Variants in ASPRV1 observed in about 807,000 individuals in gnomAD.
ASPRV1 encodes aspartic peptidase retroviral like 1, also known as retroviral-like aspartic protease 1.
Under a neutral mutation model 11.0 loss-of-function variants are expected in ASPRV1, and 7 were observed. The ratio of observed to expected loss-of-function variants is 0.64; its 90% confidence interval spans 0.36 to 1.20. The LOEUF (loss-of-function observed/expected upper bound fraction) is 1.20, where lower values mean the gene tolerates loss of function less well. Ranked by LOEUF, ASPRV1 falls within the 50% of genes most tolerant of loss-of-function variation. The pLI is 0.02. For missense variants in ASPRV1, 299 were observed against 320.0 expected, an observed-to-expected ratio of 0.93 and a Z score of 0.50; for synonymous variants, 136 against 138.4, an observed-to-expected ratio of 0.98 and a Z score of 0.12.
chr2:69,987,046 C>T, the ASPRV1 span, among the ~76,000 whole-genome samples: 1 of 152,038 alleles, frequency 6.6e-6, no homozygotes, highest in Admixed American at 6.6e-5. Context: ...AGATGAGCCA[C>T]CTTGGGTTAG....
the ASPRV1 span, among the ~76,000 whole-genome samples, chr2:70,041,680 C>T: frequency 6.6e-6 from 1 of 152,192 alleles, no homozygotes; most frequent in Non-Finnish European, 1.5e-5. Context: ...AGGAAGGGTG[C>T]TCAGGAGCAC....
chr2:70,016,140 T>G, the ASPRV1 span: 1 of 152,206 alleles, frequency 6.6e-6, no homozygotes, highest in African/African-American at 2.4e-5. Context: ...TGGAACATTC[T>G]TGAGGACAAC....
chr2:70,016,566 T>A, the ASPRV1 span, among the ~76,000 whole-genome samples: 2 of 151,942 alleles, frequency 1.3e-5, no homozygotes, highest in Middle Eastern at 3.2e-3. Context: ...ATTAAAAAGA[T>A]CATCCAGGCC....
chr2:69,947,515 G>A, the ASPRV1 span, among the ~76,000 whole-genome samples: 1,020 of 152,192 alleles, frequency 6.7e-3, 10 homozygotes, highest in African/African-American at 0.024. Flanking sequence ...TTGTGACCCA[G>A]TTTCCCCTTA....
At chr2:69,937,929 T>A in the ASPRV1 span, among the ~76,000 whole-genome samples, 2 of 152,164 alleles carry the variant, frequency 1.3e-5, no homozygotes, top group Admixed American at 6.5e-5. Context: ...TTTGTATTAG[T>A]AGAAACAGGG....
At chr2:70,075,700 G>T in the ASPRV1 span, among the ~76,000 whole-genome samples, 10 of 152,148 alleles carry the variant, frequency 6.6e-5, no homozygotes, top group African/African-American at 2.4e-4. Flanking sequence ...TACAAAATTA[G>T]CCGGGCTTGG....
chr2:69,943,500 C>T, the ASPRV1 span, among the ~76,000 whole-genome samples: 4 of 152,166 alleles, frequency 2.6e-5, no homozygotes, highest in African/African-American at 2.4e-5. Flanking sequence ...AGTCCAGCTT[C>T]GTGGGGCTGC....
chr2:69,965,834 C>T (rs1038348891), upstream of ASPRV1, among the ~76,000 whole-genome samples: 2 of 152,206 alleles, frequency 1.3e-5, no homozygotes, highest in East Asian at 3.8e-4. Flanking sequence ...TCAACATGAG[C>T]GTTCCTGCCA....
At chr2:69,938,485 A>G in the ASPRV1 span, 2 of 570,804 alleles carry the variant, frequency 3.5e-6, no homozygotes, top group Non-Finnish European at 6.2e-6. Flanking sequence ...TTTTCTCGCC[A>G]TAAAAATTTG....
the ASPRV1 span, chr2:69,938,143 T>C: frequency 1.9e-6 from 3 of 1,614,170 alleles, no homozygotes; most frequent in Admixed American, 5.0e-5. Context: ...TCACAGGTGA[T>C]CTGGACTGGA....
the ASPRV1 span, among the ~76,000 whole-genome samples, chr2:69,981,626 G>A: frequency 1.8e-4 from 28 of 152,098 alleles, no homozygotes; most frequent in Non-Finnish European, 2.4e-4. Flanking sequence ...GCGCGATCTC[G>A]GCTCACTGCA....
the ASPRV1 span, chr2:70,029,892 T>C: frequency 2.0e-5 from 3 of 152,118 alleles, no homozygotes; most frequent in Admixed American, 1.3e-4. Flanking sequence ...AGCTGTCTTA[T>C]CCAGTCACAT....
the ASPRV1 span, chr2:69,937,268 CA>C: frequency 6.2e-7 from 1 of 1,614,044 alleles, no homozygotes; most frequent in African/African-American, 1.3e-5. Context: ...AGCCGTTCAC[CA>C]AATCGACCAG....
chr2:70,012,504 A>G, the ASPRV1 span, among the ~76,000 whole-genome samples: 3 of 152,052 alleles, frequency 2.0e-5, no homozygotes, highest in Admixed American at 6.6e-5. Flanking sequence ...TGCAGCATTC[A>G]CTTTGCGGAC....
rs142383767 is a variant in ASPRV1, at chr2:69,961,424, C to T, written c.13G>A (p.Gly5Arg). The T allele has an allele frequency of 5.2e-4, 836 of 1,614,062 alleles. No homozygotes were observed. Among genetic ancestry groups the T allele is most frequent in the Non-Finnish European group, 6.5e-4 (769 of 1,180,020 alleles). The change falls in exon 1 of 1, where the codon GGA (glycine) becomes AGA (arginine). Residue 5 changes from glycine to arginine, a missense_variant. By Grantham distance (125) the Gly-to-Arg change is moderately radical (BLOSUM62 -2). Transcript: ENST00000320256. The part of the protein sequence containing the change: MAGS[G>R]ARSEEGRRQH... ...CGGCGGCCTTCCTCACTCCTGGCTCCGCTCCCGGCCATCCTGCTGCTCTCC... is the reference window on the plus strand; with the variant it reads ...CGGCGGCCTTCCTCACTCCTGGCTCTGCTCCCGGCCATCCTGCTGCTCTCC...
the ASPRV1 span, among the ~76,000 whole-genome samples, chr2:69,979,888 C>A: frequency 2.6e-5 from 4 of 152,336 alleles, no homozygotes; most frequent in African/African-American, 9.6e-5. Flanking sequence ...ACACCATCAC[C>A]CACTTGGAGG....
the ASPRV1 span, among the ~76,000 whole-genome samples, chr2:69,994,893 T>C: frequency 6.6e-6 from 1 of 151,244 alleles, no homozygotes; most frequent in Non-Finnish European, 1.5e-5. Flanking sequence ...TCCCAGCTAC[T>C]CAGGAGGCTG....
At chr2:70,019,883 A>C in the ASPRV1 span, among the ~76,000 whole-genome samples, 1 of 152,184 alleles carries the variant, frequency 6.6e-6, no homozygotes, top group Non-Finnish European at 1.5e-5. Context: ...TGTATATTTG[A>C]AAATTGCTGA....
rs895441421 is a variant in ASPRV1, at chr2:69,960,534, G to A, written c.*123C>T. On this transcript the variant is annotated 3_prime_UTR_variant, in exon 1 of 1. Coordinates refer to ENST00000320256, the MANE Select transcript of ASPRV1 (RefSeq NM_152792.4). ...CCCCTGCAGAGGGAGGCAAAGGGGA[G>A]AGAAGAGCAAGAGTTGATAAGCAGA... is the stretch of plus-strand genomic sequence containing the variant. 15 of 1,063,860 alleles carry A rather than the reference G, an allele frequency of 1.4e-5. No individual in the cohort carries two copies. The highest frequency in any genetic ancestry group is 1.9e-5 in the Non-Finnish European group (14 of 744,724). The allele number at this position is 1,063,860 out of a possible 1,614,324, so 65.9% of individuals were successfully genotyped here.
Sources: allele counts gnomAD v4.1 joint callset (sites outside exome capture counted in the v4.1 genomes callset), GRCh38; gene constraint gnomAD v4.1.1; transcripts MANE v1.5; gene names NCBI Gene and HGNC (gene_info 2026-07-23, HGNC 2026-07-21).